The following APBB2 variants were observed in gnomAD, a reference collection of about 807,000 sequenced individuals.
APBB2 encodes Fe65-like 1.
A neutral mutation model predicts 82.5 loss-of-function variants in APBB2; 38 were observed. The observed-to-expected ratio is 0.46, with a 90% confidence interval of 0.36 to 0.60. APBB2 has a LOEUF of 0.60. Ranked by LOEUF, APBB2 falls within the 20% of genes least tolerant of loss-of-function variation. The pLI is 0.00. For synonymous variants in APBB2, 341 were observed against 368.2 expected, an observed-to-expected ratio of 0.93 and a Z score of 0.85; for missense variants, 772 against 972.3, an observed-to-expected ratio of 0.79 and a Z score of 2.74.
chr4:41,105,202 C>A (rs2153974002), intron 2 of APBB2, among the ~76,000 whole-genome samples: 1 of 152,220 alleles, frequency 6.6e-6, no homozygotes, highest in African/African-American at 2.4e-5. Flanking sequence ...ATATACAATG[C>A]ATAGATGTAT....
At chr4:41,022,069 T>A (rs1291571800) in intron 5 of APBB2, among the ~76,000 whole-genome samples, 1 of 151,996 alleles carries the variant, frequency 6.6e-6, no homozygotes, top group Non-Finnish European at 1.5e-5. Flanking sequence ...ACGGCAAGGG[T>A]CCGTGGCTTC....
At chr4:40,956,958 T>G (rs1560381355) in intron 6 of APBB2, among the ~76,000 whole-genome samples, 1 of 152,226 alleles carries the variant, frequency 6.6e-6, no homozygotes, top group Non-Finnish European at 1.5e-5. Flanking sequence ...TGTATTACTA[T>G]CAGGAACAGG....
chr4:41,052,754 TTTTC>T (rs950467216), intron 4 of APBB2, among the ~76,000 whole-genome samples: 7 of 149,554 alleles, frequency 4.7e-5, no homozygotes, highest in African/African-American at 9.9e-5. Context: ...TTGGGACAAT[TTTTC>T]TTTCTTTCTT....
In APBB2 at chr4:41,061,363, C is replaced by T. The variant is rs537155785; in HGVS notation, c.-51+4213G>A. Among the ~76,000 whole-genome samples, 11 of 152,324 alleles carry T rather than the reference C, an allele frequency of 7.2e-5. No homozygotes were observed. In the East Asian group the frequency reaches 2.1e-3, roughly 29 times the overall value. ...TCACCATGGAGTGTTCTTACACAAA[C>T]CTAGATGGTACAGCCTACTACACAC... is the stretch of plus-strand genomic sequence containing the variant. On this transcript the variant is annotated intron_variant, in intron 4 of 17. Transcript: ENST00000508593.
At chr4:41,165,622 C>T (rs1327452245) in intron 1 of APBB2, among the ~76,000 whole-genome samples, 5 of 152,118 alleles carry the variant, frequency 3.3e-5, no homozygotes, top group Admixed American at 6.5e-5. Flanking sequence ...AATTCCAGAG[C>T]GGAACTCTCA....
intron 7 of APBB2, among the ~76,000 whole-genome samples, chr4:40,941,015 C>T (rs1786752388): frequency 1.3e-5 from 2 of 152,226 alleles, no homozygotes; most frequent in South Asian, 4.1e-4. Context: ...ACATTATCCA[C>T]TGCGCTTAAC....
intron 3 of APBB2, among the ~76,000 whole-genome samples, chr4:41,087,823 A>T (rs1740325700): frequency 6.6e-6 from 1 of 152,208 alleles, no homozygotes; most frequent in Non-Finnish European, 1.5e-5. Flanking sequence ...AGACTTGTTG[A>T]GCTTATCATA....
At chr4:40,917,327 C>T (rs946533730) in intron 10 of APBB2, among the ~76,000 whole-genome samples, 2 of 152,048 alleles carry the variant, frequency 1.3e-5, no homozygotes, top group East Asian at 1.9e-4. Flanking sequence ...ATGGATGAGG[C>T]CCATCAAAGA....
chr4:41,122,600 T>C (rs2153994746), intron 2 of APBB2, among the ~76,000 whole-genome samples: 1 of 152,324 alleles, frequency 6.6e-6, no homozygotes, highest in South Asian at 2.1e-4. Flanking sequence ...CTGTAATTCC[T>C]ATTGTTTTGA....
intron 6 of APBB2, among the ~76,000 whole-genome samples, chr4:40,973,799 T>C (rs182288732): frequency 5.9e-5 from 9 of 152,060 alleles, no homozygotes; most frequent in Non-Finnish European, 1.2e-4. Context: ...CATCTTCCTC[T>C]GGATTCACCT....
intron 3 of APBB2, among the ~76,000 whole-genome samples, chr4:41,077,456 C>T (rs1736036945): frequency 6.6e-6 from 1 of 152,004 alleles, no homozygotes; most frequent in Admixed American, 6.6e-5. Flanking sequence ...AAGCTCAGAA[C>T]ACTGGGGGAT....
chr4:41,205,629 T>C (rs115194274), intron 1 of APBB2, among the ~76,000 whole-genome samples: 190 of 152,306 alleles, frequency 1.2e-3, no homozygotes, highest in African/African-American at 3.0e-3. Context: ...TACTTACAGG[T>C]AGGGCTACAA....
At chr4:41,185,322 C>T (rs1282449786) in intron 1 of APBB2, among the ~76,000 whole-genome samples, 1 of 152,138 alleles carries the variant, frequency 6.6e-6, no homozygotes, top group Non-Finnish European at 1.5e-5. Flanking sequence ...ATCTTAAAAA[C>T]AATGTGTACT....
chr4:41,102,560 C>T (rs905582604), intron 2 of APBB2, among the ~76,000 whole-genome samples: 5 of 152,210 alleles, frequency 3.3e-5, no homozygotes, highest in Non-Finnish European at 7.3e-5. Context: ...CAGAAGGCTG[C>T]ACTTGGGCCA....
At chr4:40,976,359 T>C (rs1797170728) in intron 6 of APBB2, among the ~76,000 whole-genome samples, 1 of 152,236 alleles carries the variant, frequency 6.6e-6, no homozygotes, top group Non-Finnish European at 1.5e-5. Flanking sequence ...TATAATTTAC[T>C]GTAAAAACTA....
intron 6 of APBB2, among the ~76,000 whole-genome samples, chr4:40,992,689 T>G (rs1406049685): frequency 6.6e-6 from 1 of 152,098 alleles, no homozygotes; most frequent in South Asian, 2.1e-4. Context: ...GCGGGAAGTA[T>G]GAAGCCAGCG....
intron 10 of APBB2, among the ~76,000 whole-genome samples, chr4:40,905,381 A>C (rs1403812538): frequency 6.6e-6 from 1 of 152,212 alleles, no homozygotes; most frequent in Non-Finnish European, 1.5e-5. Flanking sequence ...AAGGAAGGAG[A>C]AAGAGGCAAC....
intron 10 of APBB2, among the ~76,000 whole-genome samples, chr4:40,912,196 CAT>C (rs1450745721): frequency 6.6e-6 from 1 of 152,208 alleles, no homozygotes; most frequent in Non-Finnish European, 1.5e-5. Flanking sequence ...GGCAGTCTGA[CAT>C]AGGGCTGCTG....
chr4:40,934,831 G>T (rs1785017027), intron 8 of APBB2, 132 bp from the exon 9 acceptor site: 1 of 730,278 alleles, frequency 1.4e-6, no homozygotes, highest in East Asian at 2.7e-5. Flanking sequence ...AGAAAGGCAT[G>T]CAAGGACTGT....
Sources: allele counts gnomAD v4.1 joint callset (sites outside exome capture counted in the v4.1 genomes callset), GRCh38; gene constraint gnomAD v4.1.1; transcripts MANE v1.5; gene names NCBI Gene and HGNC (gene_info 2026-07-23, HGNC 2026-07-21).